The following RUNX1 variants were observed in gnomAD, a reference collection of about 807,000 sequenced individuals.
The protein encoded by RUNX1 is RUNX family transcription factor 1, also known as runt-related transcription factor 1.
In RUNX1, 19 loss-of-function variants were observed where a neutral mutation model predicts 42.8. That is an observed-to-expected ratio of 0.44 (90% CI 0.31 to 0.65). The LOEUF (loss-of-function observed/expected upper bound fraction) is 0.65, where lower values mean the gene tolerates loss of function less well. Among genes scored for constraint, RUNX1 ranks in the 30% least tolerant of loss-of-function variants. The pLI is 0.07. For synonymous variants in RUNX1, 271 were observed against 289.4 expected, an observed-to-expected ratio of 0.94 and a Z score of 0.64; for missense variants, 528 against 672.0, an observed-to-expected ratio of 0.79 and a Z score of 2.37.
At chr21:34,976,775 G>T (rs1391544675) in intron 2 of RUNX1, among the ~76,000 whole-genome samples, 2 of 152,082 alleles carry the variant, frequency 1.3e-5, no homozygotes, top group Non-Finnish European at 2.9e-5. Context: ...GTTATTATAC[G>T]TCCCTTAGGC....
At chr21:34,835,244 T>G (rs2146081285) in intron 6 of RUNX1, among the ~76,000 whole-genome samples, 1 of 152,250 alleles carries the variant, frequency 6.6e-6, no homozygotes, top group South Asian at 2.1e-4. Flanking sequence ...CCTTCTTCCC[T>G]GAAGCCGACT....
chr21:34,803,501 C>T (rs551959834), intron 7 of RUNX1, among the ~76,000 whole-genome samples: 11 of 151,662 alleles, frequency 7.3e-5, no homozygotes, highest in East Asian at 3.9e-4. Context: ...GAGCCAAGAT[C>T]GTGCCACTGC....
At chr21:35,034,583 G>A (rs763381883) in intron 2 of RUNX1, among the ~76,000 whole-genome samples, 1 of 152,192 alleles carries the variant, frequency 6.6e-6, no homozygotes. Flanking sequence ...GCAATGTCTG[G>A]AGATACATTT....
intron 4 of RUNX1, among the ~76,000 whole-genome samples, chr21:34,885,160 A>AT (rs143296424): frequency 6.1e-4 from 93 of 152,168 alleles, no homozygotes; most frequent in African/African-American, 2.2e-3. Context: ...AGAGACCCTG[A>AT]TTTCCCCCCC....
chr21:34,917,225 G>A (rs1054839908), intron 2 of RUNX1, among the ~76,000 whole-genome samples: 6 of 152,152 alleles, frequency 3.9e-5, no homozygotes, highest in Non-Finnish European at 4.4e-5. Context: ...AAAGCCCATC[G>A]GCCAACTGGG....
chr21:34,890,723 A>G (rs1441653688), intron 3 of RUNX1, among the ~76,000 whole-genome samples: 1 of 139,008 alleles, frequency 7.2e-6, no homozygotes, highest in Non-Finnish European at 1.6e-5. Flanking sequence ...CCAGTTGTAA[A>G]TCCCCCCCTC....
intron 2 of RUNX1, among the ~76,000 whole-genome samples, chr21:34,903,594 C>T (rs1056344547): frequency 1.3e-5 from 2 of 152,172 alleles, no homozygotes; most frequent in African/African-American, 4.8e-5. Flanking sequence ...AGACCTTGAT[C>T]TCAGTCTTGC....
At chr21:34,993,498 TACACACAC>T (rs71324340) in intron 2 of RUNX1, among the ~76,000 whole-genome samples, 28 of 128,536 alleles carry the variant, frequency 2.2e-4, no homozygotes, top group Middle Eastern at 3.8e-3. Flanking sequence ...TGTTTGTCCC[TACACACAC>T]ACACACACAC....
At chr21:34,851,564 A>G (rs1426451929) in intron 6 of RUNX1, among the ~76,000 whole-genome samples, 5 of 152,168 alleles carry the variant, frequency 3.3e-5, no homozygotes, top group Non-Finnish European at 7.4e-5. Context: ...GAAGCTTAAG[A>G]AACAGAAGCC....
chr21:34,842,068 G>C (rs1010265648), intron 6 of RUNX1, among the ~76,000 whole-genome samples: 6 of 152,164 alleles, frequency 3.9e-5, no homozygotes, highest in African/African-American at 1.4e-4. Flanking sequence ...CCCTCCACTA[G>C]GTTGTGGGAA....
chr21:34,973,678 T>G (rs899453100), intron 2 of RUNX1, among the ~76,000 whole-genome samples: 1 of 152,216 alleles, frequency 6.6e-6, no homozygotes, highest in South Asian at 2.1e-4. Flanking sequence ...CTCCATGTCA[T>G]AGAAAACTCA....
chr21:34,955,775 T>C (rs1372438261), intron 2 of RUNX1, among the ~76,000 whole-genome samples: 1 of 152,142 alleles, frequency 6.6e-6, no homozygotes, highest in Non-Finnish European at 1.5e-5. Context: ...TGTTGAAAAA[T>C]TATTGACAGC....
chr21:34,896,410 T>C (rs983020802), intron 2 of RUNX1, among the ~76,000 whole-genome samples: 2 of 152,120 alleles, frequency 1.3e-5, no homozygotes, highest in African/African-American at 4.8e-5. Flanking sequence ...CAGCCGGGCA[T>C]GGTGGCTAAC....
In RUNX1 at chr21:34,792,315, G is replaced by GCCGCCCCCC; in HGVS notation, c.1262_1263insGGGGGGCGG (p.Gly421_Glu422insGlyGlyGly). ...GCAGGATGCGCGGCGGCGAGCGCTC[G>GCCGCCCCCC]CCGCCCACCATGGAGAACTGGTAGG... On this transcript the variant is annotated inframe_insertion, in exon 9 of 9. Coordinates refer to ENST00000675419, the MANE Select transcript of RUNX1 (RefSeq NM_001754.5). This position sits in a 1 kb window ranked among gnomAD's most constrained non-coding sequence, Gnocchi z 6.9. The GCCGCCCCCC allele has an allele frequency of 6.6e-7, 1 of 1,516,798 alleles. No individual in the cohort carries two copies. 94.0% of individuals were successfully genotyped at this position (1,516,798 alleles called of 1,614,324 possible).
chr21:34,855,651 G>A (rs1036714141), intron 6 of RUNX1, among the ~76,000 whole-genome samples: 1 of 152,242 alleles, frequency 6.6e-6, no homozygotes, highest in Admixed American at 6.5e-5. Flanking sequence ...AGAGGTTGCA[G>A]TGAGCCGAGA....
intron 2 of RUNX1, among the ~76,000 whole-genome samples, chr21:34,997,903 G>T (rs943417067): frequency 2.0e-5 from 3 of 152,130 alleles, no homozygotes; most frequent in Non-Finnish European, 4.4e-5. Context: ...TGCATTTGGG[G>T]TGCATGTGGA....
At chr21:35,043,446 G>T (rs2059374401) in intron 2 of RUNX1, among the ~76,000 whole-genome samples, 1 of 152,214 alleles carries the variant, frequency 6.6e-6, no homozygotes, top group South Asian at 2.1e-4. Context: ...AATGGGAGTT[G>T]GAGAAAGCAA....
intron 2 of RUNX1, among the ~76,000 whole-genome samples, chr21:34,993,077 G>C (rs1438932980): frequency 6.6e-6 from 1 of 152,248 alleles, no homozygotes; most frequent in Non-Finnish European, 1.5e-5. Flanking sequence ...AGCACTCGTG[G>C]AAGGTGCTGG....
Position 34,907,768 on chromosome 21 carries a change from A to G in RUNX1, c.59-14805T>C, listed in dbSNP as rs192817171. ...GTGAAGGATTATTATGAAATAAAAC[A>G]GAGTGAAGCTGTTTTGAAGGCCATC... On this transcript the variant is annotated intron_variant, in intron 2 of 8. Coordinates refer to ENST00000675419, the MANE Select transcript of RUNX1 (RefSeq NM_001754.5). This position sits in a 1 kb window ranked among gnomAD's most constrained non-coding sequence, Gnocchi z 5.3. Among the ~76,000 whole-genome samples the G allele has an allele frequency of 1.7e-3, 257 of 152,368 alleles. No homozygotes were observed. The highest frequency in any genetic ancestry group is 5.8e-3 in the African/African-American group (242 of 41,582).
Sources: allele counts gnomAD v4.1 joint callset (sites outside exome capture counted in the v4.1 genomes callset), GRCh38; gene constraint gnomAD v4.1.1; non-coding constraint Gnocchi (gnomAD v3.1); transcripts MANE v1.5; gene names NCBI Gene and HGNC (gene_info 2026-07-23, HGNC 2026-07-21).